PTPRD: variants seen among roughly 807,000 people sequenced by gnomAD.
The protein encoded by PTPRD is receptor-type tyrosine-protein phosphatase delta.
Under a neutral mutation model 214.5 loss-of-function variants are expected in PTPRD, and 34 were observed. The observed-to-expected ratio is 0.16, with a 90% CI of 0.12 to 0.21. The LOEUF (loss-of-function observed/expected upper bound fraction) is 0.21. Among genes scored for constraint, PTPRD ranks in the 10% least tolerant of loss-of-function variants. PTPRD has a pLI of 1.00. For synonymous variants in PTPRD, 1,128 were observed against 845.7 expected, an observed-to-expected ratio of 1.33 and a Z score of -5.79; for missense variants, 2,545 against 2,398.7, an observed-to-expected ratio of 1.06 and a Z score of -1.27.
chr9:9,122,478 G>A (rs1314783136), intron 10 of PTPRD, among the ~76,000 whole-genome samples: 1 of 152,126 alleles, frequency 6.6e-6, no homozygotes, highest in Non-Finnish European at 1.5e-5. Flanking sequence ...ACCATCAGAA[G>A]GCATTGCTCT....
At position 8,795,805 on chromosome 9, in the gene PTPRD, C is replaced by G. The variant is rs1223675821; in HGVS notation, c.-103-61859G>C. On this transcript the variant is annotated intron_variant, in intron 11 of 45. Transcript: ENST00000381196. ...CTAAAGCAATCTATGCTACTGTTCA[C>G]TATGTAACATATAAGATCTAGAGGA... 2.0e-5 allele frequency among the ~76,000 whole-genome samples: 3 copies of G among 152,096 alleles called. No homozygotes were observed. The East Asian group carries it at 5.8e-4, about 29-fold the overall frequency.
intron 11 of PTPRD, among the ~76,000 whole-genome samples, chr9:8,947,514 C>G (rs1422740327): frequency 6.6e-6 from 1 of 150,424 alleles, no homozygotes; most frequent in Non-Finnish European, 1.5e-5. Flanking sequence ...ATGGTAAGGT[C>G]TGAGTGTTAG....
rs567549136 is a variant in PTPRD at position 8,915,906 on chromosome 9, G to C, written c.-104+102791C>G. Among the ~76,000 whole-genome samples, 7 of 152,258 alleles carry C rather than the reference G, an allele frequency of 4.6e-5. No individual in the cohort carries two copies. In the East Asian group the frequency reaches 1.4e-3, roughly 29 times the overall value. On this transcript the variant is annotated intron_variant, in intron 11 of 45. Transcript: ENST00000381196. ...TTGACCCAATATCTGGGCATCCGGT[G>C]GCCCAGTTAAGTTGACATACATAAT...
chr9:8,887,201 C>G (rs548698402), intron 11 of PTPRD, among the ~76,000 whole-genome samples: 7 of 152,248 alleles, frequency 4.6e-5, no homozygotes, highest in Admixed American at 2.0e-4. Context: ...TGCTATTAAC[C>G]ATTATTTTCT....
chr9:8,738,698 ACT>A (rs1327281818), intron 11 of PTPRD, among the ~76,000 whole-genome samples: 3 of 152,150 alleles, frequency 2.0e-5, no homozygotes, highest in Non-Finnish European at 4.4e-5. Flanking sequence ...TTCACTGGTT[ACT>A]CTAGGAGAAA....
intron 3 of PTPRD, among the ~76,000 whole-genome samples, chr9:10,125,045 T>C (rs896557294): frequency 6.6e-6 from 1 of 152,156 alleles, no homozygotes; most frequent in Non-Finnish European, 1.5e-5. Context: ...ATCATCACTG[T>C]GAAAGTGAAG....
intron 23 of PTPRD, among the ~76,000 whole-genome samples, chr9:8,503,725 A>AT (rs2097472646): frequency 6.6e-6 from 1 of 152,176 alleles, no homozygotes; most frequent in African/African-American, 2.4e-5. Flanking sequence ...TTTTCTGTCA[A>AT]TGTTCCAAAT....
At chr9:10,610,158 G>A (rs953274836) in intron 2 of PTPRD, among the ~76,000 whole-genome samples, 1 of 151,996 alleles carries the variant, frequency 6.6e-6, no homozygotes, top group African/African-American at 2.4e-5. Context: ...GAGAGCTGGT[G>A]GCCAAAAAGG....
In PTPRD at chr9:8,451,608, A is replaced by T. The variant is rs79577212; in HGVS notation, c.3876-1771T>A. Among the ~76,000 whole-genome samples, 704 of 152,310 alleles carry T rather than the reference A, an allele frequency of 4.6e-3. 15 individuals carry two copies. The East Asian group carries it at 0.054, about 12-fold the overall frequency. On this transcript the variant is annotated intron_variant, in intron 33 of 45. Transcript: ENST00000381196. ...ACTAAGAGATTCCTTTTACCACTGA[A>T]GATGCAAAATCGAAATGGGTTAATG...
chr9:8,670,169 G>T (rs2097254081), intron 12 of PTPRD, among the ~76,000 whole-genome samples: 1 of 152,042 alleles, frequency 6.6e-6, no homozygotes, highest in Admixed American at 6.6e-5. Context: ...ATCAGAAAAA[G>T]ATCTACTTAT....
At chr9:9,937,844 A>G (rs550651685) in intron 5 of PTPRD, among the ~76,000 whole-genome samples, 4 of 152,294 alleles carry the variant, frequency 2.6e-5, no homozygotes, top group Non-Finnish European at 5.9e-5. Context: ...TTCATTCCCT[A>G]AACTGTTATT....
At chr9:8,686,419 C>CA (rs1262974703) in intron 12 of PTPRD, among the ~76,000 whole-genome samples, 2 of 152,146 alleles carry the variant, frequency 1.3e-5, no homozygotes, top group Non-Finnish European at 2.9e-5. Context: ...TTTAGGTCCA[C>CA]AACACAGAGC....
At chr9:9,965,101 G>C (rs1351360392) in intron 4 of PTPRD, among the ~76,000 whole-genome samples, 2 of 152,136 alleles carry the variant, frequency 1.3e-5, no homozygotes, top group African/African-American at 4.8e-5. Context: ...CACACACAAC[G>C]ACACACAGAG....
At chr9:8,650,560 T>C (rs1028407973) in intron 12 of PTPRD, among the ~76,000 whole-genome samples, 2 of 145,244 alleles carry the variant, frequency 1.4e-5, no homozygotes, top group African/African-American at 2.5e-5. Context: ...GGATACGTGA[T>C]GGATAAACAA....
chr9:8,467,870 G>C (rs976984822), intron 31 of PTPRD, among the ~76,000 whole-genome samples: 1 of 151,904 alleles, frequency 6.6e-6, no homozygotes, highest in Non-Finnish European at 1.5e-5. Context: ...GTTAAGGACA[G>C]TAGCCTATTA....
At chr9:8,359,867 A>G (rs905741195) in intron 39 of PTPRD, among the ~76,000 whole-genome samples, 1 of 152,216 alleles carries the variant, frequency 6.6e-6, no homozygotes. Context: ...TTCCTTAGGC[A>G]TATGGCTATC....
intron 9 of PTPRD, among the ~76,000 whole-genome samples, chr9:9,229,038 G>C (rs1192462043): frequency 5.3e-5 from 8 of 151,890 alleles, no homozygotes; most frequent in African/African-American, 1.9e-4. Flanking sequence ...TTTTAATGTG[G>C]GTCATTAAGG....
At chr9:10,502,947 T>G (rs147065607) in intron 2 of PTPRD, among the ~76,000 whole-genome samples, 10 of 152,162 alleles carry the variant, frequency 6.6e-5, no homozygotes, top group African/African-American at 2.4e-4. Context: ...ATAGATTCAG[T>G]ATCTGTATTC....
intron 3 of PTPRD, among the ~76,000 whole-genome samples, chr9:10,196,820 C>T (rs545359930): frequency 1.4e-5 from 2 of 138,468 alleles, no homozygotes; most frequent in Non-Finnish European, 3.1e-5. Flanking sequence ...AGAAGTGGGG[C>T]TCTTAGGAAG....
Sources: allele counts gnomAD v4.1 joint callset (sites outside exome capture counted in the v4.1 genomes callset), GRCh38; gene constraint gnomAD v4.1.1; transcripts MANE v1.5; gene names NCBI Gene and HGNC (gene_info 2026-07-23, HGNC 2026-07-21).